Variants in SPATS2 observed in about 807,000 individuals in gnomAD.
The protein encoded by SPATS2 is spermatogenesis-associated serine-rich protein 2.
In SPATS2, 38 loss-of-function variants were observed where a neutral mutation model predicts 63.7. The observed-to-expected ratio is 0.60, with a 90% CI of 0.46 to 0.78. The LOEUF (loss-of-function observed/expected upper bound fraction) is 0.78, where lower values mean the gene tolerates loss of function less well. Ranked by LOEUF, SPATS2 falls within the 30% of genes least tolerant of loss-of-function variation. The probability of loss-of-function intolerance (pLI) is 0.00; values close to 1 mark genes in which losing one functional copy is unlikely to be tolerated. For missense variants in SPATS2, 588 were observed against 666.2 expected (o/e 0.88, Z 1.29); for synonymous variants, 207 against 232.9 (o/e 0.89, Z 1.01).
At chr12:49,508,562 G>A (rs1450526237) in intron 9 of SPATS2, among the ~76,000 whole-genome samples, 2 of 152,068 alleles carry the variant, frequency 1.3e-5, no homozygotes, top group East Asian at 3.9e-4. Flanking sequence ...CTCACTAAGG[G>A]GGCTTAACAC....
intron 11 of SPATS2, among the ~76,000 whole-genome samples, chr12:49,521,474 T>A (rs1027666752): frequency 3.3e-5 from 5 of 152,042 alleles, no homozygotes; most frequent in African/African-American, 4.8e-5. Flanking sequence ...CTCCTCACAT[T>A]GATGCCAGTC....
At chr12:49,442,108 G>A (rs1319229902) in intron 2 of SPATS2, among the ~76,000 whole-genome samples, 1 of 152,004 alleles carries the variant, frequency 6.6e-6, no homozygotes, top group African/African-American at 2.4e-5. Flanking sequence ...TGTATTATAG[G>A]ATATAAAAAC....
In SPATS2 at chr12:49,526,043, T is replaced by TA. The variant is rs544160874; in HGVS notation, c.1427dup (p.Tyr476Ter). The change falls in exon 14 of 14, where the codon TAC becomes TAAC. Residue 476 changes from tyrosine (Y) to a stop codon, truncating the protein, a stop_gained and frameshift_variant. Transcript: ENST00000552918. LOFTEE classifies it high-confidence loss of function. ...NQGRHDSMGR[Y>*]RNSSWYSSGS... The stretch of plus-strand genomic sequence containing the variant: ...AGGGCGGCATGACAGTATGGGTCGT[T>TA]ACAGAAACAGCTCGTGGTATTCATC... 2.1e-3 allele frequency: 3,408 copies of TA among 1,614,224 alleles called. 10 individuals carry two copies. The highest frequency in any genetic ancestry group is 2.1e-3 in the Non-Finnish European group (2,420 of 1,180,040).
intron 9 of SPATS2, among the ~76,000 whole-genome samples, chr12:49,512,288 A>G (rs1946765585): frequency 6.6e-6 from 1 of 152,218 alleles, no homozygotes; most frequent in African/African-American, 2.4e-5. Context: ...GATGTTATCA[A>G]TAGATGGCAA....
At chr12:49,524,996 C>T (rs1219576354) in intron 13 of SPATS2, 100 bp downstream of exon 13, 1 of 1,167,890 alleles carries the variant, frequency 8.6e-7, no homozygotes, top group Non-Finnish European at 1.2e-6. Context: ...TCTCTATTCC[C>T]ATTCCATGCC....
intron 2 of SPATS2, among the ~76,000 whole-genome samples, chr12:49,417,229 T>C (rs904109565): frequency 1.3e-5 from 2 of 152,262 alleles, no homozygotes; most frequent in African/African-American, 2.4e-5. Flanking sequence ...AATCTCTGTA[T>C]TAAAATTTTT....
At position 49,485,661 on chromosome 12, in the gene SPATS2, T is replaced by C. The variant is rs572950725; in HGVS notation, c.105+992T>C. Among the ~76,000 whole-genome samples, 33 of 151,768 alleles carry C rather than the reference T, an allele frequency of 2.2e-4. 1 individual carries two copies. The highest frequency in any genetic ancestry group is 7.0e-4 in the African/African-American group (29 of 41,346). On this transcript the variant is annotated intron_variant, in intron 4 of 13. Transcript: ENST00000552918. ...GTCACCACACCTGGCCAGAAGTAGA[T>C]CTAAGGAGCATTCTTTTGGAAGAAA...
intron 8 of SPATS2, among the ~76,000 whole-genome samples, chr12:49,499,473 T>C (rs556108963): frequency 6.6e-6 from 1 of 152,052 alleles, no homozygotes; most frequent in African/African-American, 2.4e-5. Context: ...GTTTTGTTTT[T>C]TTTTTGCCTG....
At chr12:49,480,797 T>G (rs1946193716) in intron 3 of SPATS2, among the ~76,000 whole-genome samples, 1 of 124,096 alleles carries the variant, frequency 8.1e-6, no homozygotes, top group Non-Finnish European at 1.8e-5. Flanking sequence ...TGTTTTCTGT[T>G]TTTTTTTTTT....
intron 2 of SPATS2, among the ~76,000 whole-genome samples, chr12:49,449,301 C>T (rs1330386509): frequency 2.6e-5 from 4 of 152,170 alleles, no homozygotes; most frequent in East Asian, 1.9e-4. Context: ...CTGCAACCTC[C>T]GCCTCACGGG....
intron 3 of SPATS2, among the ~76,000 whole-genome samples, chr12:49,473,692 T>C (rs939465035): frequency 6.6e-6 from 1 of 152,202 alleles, no homozygotes; most frequent in Non-Finnish European, 1.5e-5. Flanking sequence ...GGCATAATCA[T>C]ACCGTGAAAT....
At chr12:49,516,072 A>G (rs1946833694) in intron 10 of SPATS2, among the ~76,000 whole-genome samples, 2 of 138,610 alleles carry the variant, frequency 1.4e-5, no homozygotes, top group South Asian at 2.5e-4. Context: ...CCCAGGGGGC[A>G]GAGGTTGCAG....
At chr12:49,488,644 C>T (rs893075598) in intron 4 of SPATS2, among the ~76,000 whole-genome samples, 2 of 151,578 alleles carry the variant, frequency 1.3e-5, no homozygotes, top group South Asian at 2.1e-4. Flanking sequence ...GGTGACAGAG[C>T]GAGACTGTCT....
intron 2 of SPATS2, among the ~76,000 whole-genome samples, chr12:49,392,998 G>A (rs1944445571): frequency 6.6e-6 from 1 of 152,146 alleles, no homozygotes; most frequent in African/African-American, 2.4e-5. Context: ...GTTGTAGTGA[G>A]CAGAGATCAT....
At chr12:49,402,634 T>C (rs1301686767) in intron 2 of SPATS2, among the ~76,000 whole-genome samples, 2 of 152,028 alleles carry the variant, frequency 1.3e-5, no homozygotes, top group African/African-American at 4.8e-5. Flanking sequence ...AACATTGAAA[T>C]CGCCTGGAAT....
intron 2 of SPATS2, among the ~76,000 whole-genome samples, chr12:49,384,895 C>T (rs865970868): frequency 9.2e-5 from 14 of 151,934 alleles, no homozygotes; most frequent in South Asian, 4.1e-4. Flanking sequence ...CCGCAACCTT[C>T]GCTTCCCGGG....
intron 2 of SPATS2, chr12:49,389,914 G>A (rs1022061318): frequency 3.7e-6 from 3 of 813,244 alleles, no homozygotes; most frequent in Admixed American, 3.4e-5. Context: ...GCACTCCAAG[G>A]ATACAGGCAC....
rs1462425831 is a variant in SPATS2, at chr12:49,436,530, C to G, written c.-243-24240C>G. Reference sequence around the variant, plus strand: ...GGCGGCTGGCCGGGCGGGGGGCTGACCCCCCCGCCTCCTGGCCGGGCGGGG... The same window carrying G: ...GGCGGCTGGCCGGGCGGGGGGCTGAGCCCCCCGCCTCCTGGCCGGGCGGGG... On this transcript the variant is annotated intron_variant, in intron 2 of 13. Transcript: ENST00000552918. Among the ~76,000 whole-genome samples, 11 of 128,000 alleles carry G rather than the reference C, an allele frequency of 8.6e-5. 1 individual carries two copies. Among genetic ancestry groups the G allele is most frequent in the African/African-American group, 3.0e-4 (10 of 33,738 alleles). The allele number at this position is 128,000 out of a possible 152,430, so 84.0% of individuals were successfully genotyped here. A position where few individuals can be genotyped will look rare whatever the true frequency, so the allele number is the denominator to read the frequency against.
intron 8 of SPATS2, among the ~76,000 whole-genome samples, chr12:49,498,143 A>ATATATATATATATATAT (rs1307387821): frequency 1.2e-4 from 11 of 95,044 alleles, no homozygotes; most frequent in African/African-American, 6.0e-4. Context: ...AAAAAAAAAA[A>ATATATATATATATATAT]AAATATATAT....
Sources: allele counts gnomAD v4.1 joint callset (sites outside exome capture counted in the v4.1 genomes callset), GRCh38; gene constraint gnomAD v4.1.1; transcripts MANE v1.5; gene names NCBI Gene and HGNC (gene_info 2026-07-23, HGNC 2026-07-21).